The following RTL9 variants were observed in gnomAD, a reference collection of about 807,000 sequenced individuals.
RTL9 encodes the protein retrotransposon Gag like 9, also known as retrotransposon Gag-like protein 9.
RTL9 carries 19 observed loss-of-function variants against 44.7 expected under a neutral mutation model. The observed-to-expected ratio is 0.42, with a 90% CI of 0.30 to 0.62. The LOEUF (loss-of-function observed/expected upper bound fraction) is 0.62, where lower values mean the gene tolerates loss of function less well. Among genes scored for constraint, RTL9 ranks in the 20% least tolerant of loss-of-function variants. The pLI, the probability that RTL9 is intolerant of heterozygous loss-of-function variation, is 0.16. For missense variants in RTL9, 1,105 were observed against 1,080.6 expected (o/e 1.02, Z -0.32); for synonymous variants, 407 against 398.9 (o/e 1.02, Z -0.24).
chrX:110,432,299 C>T (rs749160237), intron 1 of RTL9, among the ~76,000 whole-genome samples: 5 of 112,435 alleles, frequency 4.4e-5, no homozygotes, highest in African/African-American at 9.7e-5. Flanking sequence ...AGCCACATGG[C>T]GGCTTCCTAC....
At chrX:110,455,276 T>G in exon 2 of RTL9, 1 of 1,210,789 alleles carries the variant, frequency 8.3e-7, no homozygotes, top group East Asian at 3.0e-5. Context: ...ATGATCACCT[T>G]GGACAGAGCA....
At chrX:110,416,719 C>T (rs1264086467), upstream of RTL9, among the ~76,000 whole-genome samples, 2 of 112,156 alleles carry the variant, frequency 1.8e-5, no homozygotes, top group African/African-American at 6.5e-5. Context: ...TAAAGCCATA[C>T]GCTCTGCTTC....
At chrX:110,402,930 G>T (rs2068574860) in intron 1 of RTL9, among the ~76,000 whole-genome samples, 2 of 112,172 alleles carry the variant, frequency 1.8e-5, no homozygotes, top group Admixed American at 1.9e-4. Context: ...GTGTGACAGG[G>T]TTCACTGGGT....
chrX:110,414,464 C>T (rs1218723568), upstream of RTL9, among the ~76,000 whole-genome samples: 2 of 112,563 alleles, frequency 1.8e-5, no homozygotes, highest in African/African-American at 6.5e-5. Context: ...CTTCTAGGTA[C>T]CAGCCACTGT....
intron 1 of RTL9, among the ~76,000 whole-genome samples, chrX:110,380,543 C>T (rs766747020): frequency 3.2e-4 from 36 of 111,773 alleles, no homozygotes; most frequent in African/African-American, 8.5e-4. Context: ...ACAGATTCAA[C>T]GCTATTCCTA....
chrX:110,451,981 TGTC>T (rs2068945034), exon 1 of RTL9: 1 of 1,210,059 alleles, frequency 8.3e-7, no homozygotes, highest in African/African-American at 1.8e-5. Flanking sequence ...ACAGAGCAAA[TGTC>T]AGCCACAGCC....
chrX:110,366,595 T>C (rs1489335969), intron 1 of RTL9, among the ~76,000 whole-genome samples: 2 of 111,608 alleles, frequency 1.8e-5, no homozygotes, highest in Non-Finnish European at 3.8e-5. Flanking sequence ...TCCATTTTCT[T>C]CTTTGATCAG....
intron 1 of RTL9, among the ~76,000 whole-genome samples, chrX:110,429,292 T>G (rs2068777446): frequency 9.0e-6 from 1 of 110,603 alleles, no homozygotes; most frequent in Non-Finnish European, 1.9e-5. Flanking sequence ...TCTCACTTGT[T>G]GAATGACTCA....
chrX:110,363,532 G>T (rs1460805074), intron 1 of RTL9, among the ~76,000 whole-genome samples: 1 of 111,918 alleles, frequency 8.9e-6, no homozygotes, highest in Non-Finnish European at 1.9e-5. Flanking sequence ...TGCTATGGCT[G>T]GGAAAGTCCA....
intron 1 of RTL9, among the ~76,000 whole-genome samples, chrX:110,368,958 T>C (rs775323617): frequency 8.9e-6 from 1 of 112,104 alleles, no homozygotes; most frequent in Admixed American, 9.4e-5. Flanking sequence ...GTAGTGAGTT[T>C]AGTCTTTACA....
chrX:110,414,591 C>T (rs1335288532), upstream of RTL9, among the ~76,000 whole-genome samples: 1 of 113,190 alleles, frequency 8.8e-6, no homozygotes, highest in Admixed American at 9.3e-5. Context: ...GGTTAAGTCA[C>T]TCACTAACGT....
intron 1 of RTL9, among the ~76,000 whole-genome samples, chrX:110,387,974 G>A (rs2068468935): frequency 1.9e-5 from 2 of 105,145 alleles, no homozygotes; most frequent in Admixed American, 2.1e-4. Context: ...CCATTCTCCT[G>A]CCTCAGCCTC....
At chrX:110,416,116 T>C (rs777104262), upstream of RTL9, among the ~76,000 whole-genome samples, 43 of 111,146 alleles carry the variant, frequency 3.9e-4, no homozygotes, top group Middle Eastern at 4.6e-3. Context: ...TTTGGAGATA[T>C]CTCATTTAAA....
intron 1 of RTL9, among the ~76,000 whole-genome samples, chrX:110,402,970 G>T (rs1028111571): frequency 3.6e-5 from 4 of 112,088 alleles, no homozygotes; most frequent in African/African-American, 1.3e-4. Context: ...TAGCCCCTAC[G>T]TGAAGCTGCT....
At chrX:110,429,140 T>G (rs1169857017) in intron 1 of RTL9, among the ~76,000 whole-genome samples, 2 of 112,414 alleles carry the variant, frequency 1.8e-5, no homozygotes, top group African/African-American at 6.5e-5. Flanking sequence ...CACAGTAGTT[T>G]CTACCACACA....
rs1356020544 is a variant in RTL9, at chrX:110,454,353, C to G, written c.3736C>G (p.Gln1246Glu). Residue 1246 changes from glutamine (Q) to glutamate (E), a missense_variant, in exon 1 of 2, where the codon CAA (glutamine) becomes GAA (glutamate). Coordinates refer to ENST00000540313, the Ensembl canonical transcript of RTL9. Reference sequence around the variant, plus strand: ...TGTTCTTTGCCATCCCAAACAGGGCCAAAAGTCAGTCAGGCAGTATGCCAC... The same window carrying G: ...TGTTCTTTGCCATCCCAAACAGGGCGAAAAGTCAGTCAGGCAGTATGCCAC... 1 of 1,212,141 alleles carries G rather than the reference C, an allele frequency of 8.2e-7. No homozygotes were observed. The highest frequency in any genetic ancestry group is 2.2e-5 in the Admixed American group (1 of 46,094).
chrX:110,454,041 G>C, exon 1 of RTL9: 1 of 1,212,034 alleles, frequency 8.3e-7, no homozygotes, highest in Non-Finnish European at 1.1e-6. Flanking sequence ...GCCATCCTTC[G>C]GAATGTTGAC....
At chrX:110,417,225 G>T (rs1421888838), upstream of RTL9, among the ~76,000 whole-genome samples, 1 of 112,034 alleles carries the variant, frequency 8.9e-6, no homozygotes, top group Admixed American at 9.4e-5. Context: ...AGACAATGGC[G>T]GCTGCTCAGC....
chrX:110,416,806 G>T (rs1365274983), upstream of RTL9, among the ~76,000 whole-genome samples: 2 of 112,235 alleles, frequency 1.8e-5, no homozygotes, highest in East Asian at 5.6e-4. Context: ...TTAGAGGCAA[G>T]GTGGCCCAGT....
Sources: allele counts gnomAD v4.1 joint callset (sites outside exome capture counted in the v4.1 genomes callset), GRCh38; gene constraint gnomAD v4.1.1; transcripts MANE v1.5; gene names NCBI Gene and HGNC (gene_info 2026-07-23, HGNC 2026-07-21).